The following CD58 variants were observed in gnomAD, a reference collection of about 807,000 sequenced individuals.
The protein encoded by CD58 is lymphocyte function-associated antigen 3.
A neutral mutation model predicts 27.6 loss-of-function variants in CD58; 14 were observed. That is an observed-to-expected ratio of 0.51 (90% CI 0.34 to 0.79). CD58 has a LOEUF of 0.79. Ranked by LOEUF, CD58 falls within the 30% of genes least tolerant of loss-of-function variation. The pLI, the probability that CD58 is intolerant of heterozygous loss-of-function variation, is 0.02. For missense variants in CD58, 268 were observed against 301.7 expected (o/e 0.89, Z 0.83); for synonymous variants, 117 against 103.8 (o/e 1.13, Z -0.77).
rs561609335 is a variant in CD58, at chr1:116,559,590, C to T, written c.70+11313G>A. On this transcript the variant is annotated intron_variant, in intron 1 of 5. Transcript: ENST00000369489. The surrounding 1 kb of genome is among the most constrained non-coding windows in gnomAD (Gnocchi z 4.4). ...CCACACCACCACCAGTTTCCCTGCC[C>T]TCATCTACTTCATACTGAAACTGCA... Among the ~76,000 whole-genome samples the T allele has an allele frequency of 6.6e-6, 1 of 152,228 alleles. No individual in the cohort carries two copies. The highest frequency in any genetic ancestry group is 6.5e-5 in the Admixed American group (1 of 15,300).
At position 116,559,632 on chromosome 1, in the gene CD58, C is replaced by G. The variant is rs1459303404; in HGVS notation, c.70+11271G>C. ...GAAACTGCAGCCACCTGTCTCCCAACGGTTACAAACCCTCGGTCCCCAAGG... is the reference window on the plus strand; with the variant it reads ...GAAACTGCAGCCACCTGTCTCCCAAGGGTTACAAACCCTCGGTCCCCAAGG... On this transcript the variant is annotated intron_variant, in intron 1 of 5. Transcript: ENST00000369489. This position sits in a 1 kb window ranked among gnomAD's most constrained non-coding sequence, Gnocchi z 4.4. Among the ~76,000 whole-genome samples the G allele has an allele frequency of 2.6e-5, 4 of 152,178 alleles. No homozygotes were observed. Among genetic ancestry groups the G allele is most frequent in the Admixed American group, 2.6e-4 (4 of 15,280 alleles).
chr1:116,543,236 G>A (rs556723784), intron 2 of CD58, among the ~76,000 whole-genome samples: 1 of 152,118 alleles, frequency 6.6e-6, no homozygotes, highest in South Asian at 2.1e-4. Context: ...GCTGAGTAGG[G>A]AGGGCAGCAG....
chr1:116,548,860 A>G (rs924705965), intron 1 of CD58, among the ~76,000 whole-genome samples: 20 of 152,146 alleles, frequency 1.3e-4, no homozygotes, highest in Non-Finnish European at 2.5e-4. Flanking sequence ...TGCTGGTTAT[A>G]TGTTCACATT....
At chr1:116,526,508 G>A (rs891140560) in intron 3 of CD58, among the ~76,000 whole-genome samples, 3 of 152,136 alleles carry the variant, frequency 2.0e-5, no homozygotes, top group Non-Finnish European at 4.4e-5. Flanking sequence ...ATTTATGTTG[G>A]TTTATTTCTG....
chr1:116,520,850 T>C (rs1476885569), intron 4 of CD58, among the ~76,000 whole-genome samples: 2 of 152,206 alleles, frequency 1.3e-5, no homozygotes, highest in Non-Finnish European at 2.9e-5. Flanking sequence ...TGGATTTTCA[T>C]GGTATTTACA....
At position 116,546,751 on chromosome 1, in the gene CD58, G is replaced by A. The variant is rs1382319939; in HGVS notation, c.71-2147C>T. On this transcript the variant is annotated intron_variant, in intron 1 of 5. Coordinates refer to ENST00000369489, the MANE Select transcript of CD58 (RefSeq NM_001779.3). The surrounding 1 kb of genome is among the most constrained non-coding windows in gnomAD (Gnocchi z 4.1). Reference sequence around the variant, plus strand: ...GAGCTAGTGGTGGAGGGAAGTGAGGGTAGAGAAAGGGGAGACTGCAGCTCA... The same window carrying A: ...GAGCTAGTGGTGGAGGGAAGTGAGGATAGAGAAAGGGGAGACTGCAGCTCA... Among the ~76,000 whole-genome samples the A allele has an allele frequency of 3.3e-5, 5 of 152,124 alleles. No individual in the cohort carries two copies. The highest frequency in any genetic ancestry group is 1.2e-4 in the African/African-American group (5 of 41,426).
In CD58 at chr1:116,535,819, C is replaced by T. The variant is rs979378041; in HGVS notation, c.628+146G>A. 1.0e-4 allele frequency: 41 copies of T among 402,006 alleles called. 2 individuals carry two copies. In the South Asian group the frequency reaches 1.8e-3, roughly 18 times the overall value. The allele number at this position is 402,006 out of a possible 1,614,324, so 24.9% of individuals were successfully genotyped here. A position where few individuals can be genotyped will look rare whatever the true frequency, so the allele number is the denominator to read the frequency against. ...TCGCGCCACTGCACTCCAGCCTGGG[C>T]GACAGAGCGAGACTCTGTCTCAAAA... is the stretch of plus-strand genomic sequence containing the variant. On this transcript the variant is annotated intron_variant, in intron 3 of 5. Transcript: ENST00000369489.
intron 2 of CD58, among the ~76,000 whole-genome samples, chr1:116,542,579 G>A (rs932745237): frequency 1.3e-5 from 2 of 152,172 alleles, no homozygotes; most frequent in African/African-American, 4.8e-5. Flanking sequence ...GGTGGTGGCT[G>A]GAGGGGTACA....
intron 1 of CD58, among the ~76,000 whole-genome samples, chr1:116,561,931 C>T (rs1658769590): frequency 6.6e-6 from 1 of 152,164 alleles, no homozygotes; most frequent in Non-Finnish European, 1.5e-5. Flanking sequence ...CTCCTAGTGG[C>T]TATTATTACT....
chr1:116,561,500 C>A (rs1472726561), intron 1 of CD58, among the ~76,000 whole-genome samples: 2 of 152,110 alleles, frequency 1.3e-5, no homozygotes, highest in Non-Finnish European at 2.9e-5. Context: ...AATAAATTGC[C>A]ATTGTAAATT....
Position 116,532,968 on chromosome 1 carries a change from G to A in CD58, c.628+2997C>T. ...TGCTTGCATTCCGCCGGCTGGCTGG[G>A]TTCCTTGTTGGGATTAATTTCCACC... is the stretch of plus-strand genomic sequence containing the variant. On this transcript the variant is annotated intron_variant, in intron 3 of 5. Coordinates refer to ENST00000369489, the MANE Select transcript of CD58 (RefSeq NM_001779.3). The surrounding 1 kb of genome is among the most constrained non-coding windows in gnomAD (Gnocchi z 5.1). The A allele has an allele frequency of 3.0e-6, 3 of 987,628 alleles. No homozygotes were observed. Among genetic ancestry groups the A allele is most frequent in the Non-Finnish European group, 3.1e-6 (2 of 650,302 alleles). 61.2% of individuals were successfully genotyped at this position (987,628 alleles called of 1,614,324 possible).
chr1:116,537,732 G>A (rs1657858564), intron 2 of CD58, among the ~76,000 whole-genome samples: 1 of 152,150 alleles, frequency 6.6e-6, no homozygotes, highest in Non-Finnish European at 1.5e-5. Flanking sequence ...TCATTTATTT[G>A]TTAATTCATA....
chr1:116,544,248 T>C (rs1180088688), intron 2 of CD58, 63 bp downstream of exon 2: 7 of 1,176,728 alleles, frequency 5.9e-6, no homozygotes, highest in Non-Finnish European at 8.5e-6. Context: ...TGCTAGTCTC[T>C]GAAAACAGAC....
intron 1 of CD58, among the ~76,000 whole-genome samples, chr1:116,549,650 C>T (rs1019436320): frequency 5.3e-5 from 8 of 152,048 alleles, no homozygotes; most frequent in African/African-American, 1.2e-4. Flanking sequence ...TAATGAAAAA[C>T]GATCATATAA....
rs1271117972 is a variant in CD58, at chr1:116,523,016, C to G, written c.629-1033G>C. Among the ~76,000 whole-genome samples the G allele has an allele frequency of 3.3e-5, 5 of 152,238 alleles. No individual in the cohort carries two copies. In the South Asian group the frequency reaches 1.0e-3, roughly 32 times the overall value. ...CTCATAGGGTAGTTGCATTTAAGAA[C>G]AGCTGTTATATACTGTCATTAACCT... is the stretch of plus-strand genomic sequence containing the variant. On this transcript the variant is annotated intron_variant, in intron 3 of 5. Coordinates refer to ENST00000369489, the MANE Select transcript of CD58 (RefSeq NM_001779.3). The surrounding 1 kb of genome is among the most constrained non-coding windows in gnomAD (Gnocchi z 4.4).
chr1:116,570,293 G>T lies in CD58; in HGVS notation c.70+610C>A, dbSNP rs1659096233. ...GTTCTGATACTAGTTTTTAGGATTT[G>T]AGGGGAGGAAAAAGGAGCAGGAGTC... On this transcript the variant is annotated intron_variant, in intron 1 of 5. Transcript: ENST00000369489. The surrounding 1 kb of genome is among the most constrained non-coding windows in gnomAD (Gnocchi z 6.4). Among the ~76,000 whole-genome samples the T allele has an allele frequency of 6.6e-6, 1 of 152,216 alleles. No individual in the cohort carries two copies. The highest frequency in any genetic ancestry group is 1.5e-5 in the Non-Finnish European group (1 of 68,026).
chr1:116,570,857 A>T lies in CD58; in HGVS notation c.70+46T>A. The T allele has an allele frequency of 2.7e-6, 4 of 1,476,428 alleles. No individual in the cohort carries two copies. Among genetic ancestry groups the T allele is most frequent in the Non-Finnish European group, 1.8e-6 (2 of 1,096,194 alleles). The allele number at this position is 1,476,428 out of a possible 1,614,324, so 91.5% of individuals were successfully genotyped here. On this transcript the variant is annotated intron_variant, in intron 1 of 5. Transcript: ENST00000369489. This position sits in a 1 kb window ranked among gnomAD's most constrained non-coding sequence, Gnocchi z 6.4. ...CGTCCACCCAGCCTGGGTGCTGCCCAGTACCCGCCGGCCGGCGCGGGGCCC... is the reference window on the plus strand; with the variant it reads ...CGTCCACCCAGCCTGGGTGCTGCCCTGTACCCGCCGGCCGGCGCGGGGCCC...
intron 1 of CD58, chr1:116,560,074 T>A (rs577991138): frequency 2.0e-5 from 3 of 153,136 alleles, no homozygotes; most frequent in African/African-American, 7.2e-5. Flanking sequence ...TAAAAAAAAA[T>A]AGCAAAAACC....
rs568138645 is a variant in CD58, at chr1:116,538,903, C to T, written c.365-2675G>A. Among the ~76,000 whole-genome samples, 1 of 152,310 alleles carries T rather than the reference C, an allele frequency of 6.6e-6. No homozygotes were observed. Among genetic ancestry groups the T allele is most frequent in the Non-Finnish European group, 1.5e-5 (1 of 68,026 alleles). On this transcript the variant is annotated intron_variant, in intron 2 of 5. Coordinates refer to ENST00000369489, the MANE Select transcript of CD58 (RefSeq NM_001779.3). This position sits in a 1 kb window ranked among gnomAD's most constrained non-coding sequence, Gnocchi z 4.7. The stretch of plus-strand genomic sequence containing the variant: ...TTCAAATAAAATGTAAATTCTTCTA[C>T]CCGCTATCTCCAAAGAGGTACAGTA...
Sources: gnomAD v4.1 joint callset for allele counts (sites outside exome capture counted in the v4.1 genomes callset) on GRCh38, gnomAD v4.1.1 for gene constraint, Gnocchi (gnomAD v3.1) non-coding constraint, MANE v1.5 for transcripts, NCBI Gene and HGNC (gene_info 2026-07-23, HGNC 2026-07-21) for gene names.